VWA8: variants seen among roughly 807,000 people sequenced by gnomAD.
VWA8 encodes the protein von Willebrand factor A domain-containing protein 8.
In VWA8, 221 loss-of-function variants were observed where a neutral mutation model predicts 241.5. The ratio of observed to expected loss-of-function variants is 0.91; its 90% confidence interval spans 0.82 to 1.02. VWA8 has a LOEUF of 1.02. Ranked by LOEUF, VWA8 falls within the 50% of genes least tolerant of loss-of-function variation. VWA8 has a pLI of 0.00. For synonymous variants in VWA8, 852 were observed against 827.1 expected (o/e 1.03, Z -0.52); for missense variants, 2,322 against 2,328.7 (o/e 1.00, Z 0.06).
In VWA8 at chr13:41,718,859, C is replaced by T. The variant is rs146653959; in HGVS notation, c.3116+732G>A. Among the ~76,000 whole-genome samples, 11 of 151,756 alleles carry T rather than the reference C, an allele frequency of 7.2e-5. No homozygotes were observed. The East Asian group carries it at 1.7e-3, about 24-fold the overall frequency. On this transcript the variant is annotated intron_variant, in intron 26 of 44. Coordinates refer to ENST00000379310, the MANE Select transcript of VWA8 (RefSeq NM_015058.2). ...GTAATTTAAAAGTGATTATTATCCCCTATGAATTTATAATTAACTATTTTT... is the reference window on the plus strand; with the variant it reads ...GTAATTTAAAAGTGATTATTATCCCTTATGAATTTATAATTAACTATTTTT...
intron 2 of VWA8, among the ~76,000 whole-genome samples, chr13:41,933,625 T>C (rs1288899739): frequency 6.6e-6 from 1 of 151,954 alleles, no homozygotes; most frequent in Non-Finnish European, 1.5e-5. Context: ...AATAGATCAA[T>C]GGAACAGAAC....
chr13:41,585,659 T>C, intron 42 of VWA8, among the ~76,000 whole-genome samples: 1 of 151,364 alleles, frequency 6.6e-6, no homozygotes, highest in East Asian at 1.9e-4. Context: ...AGGTCAGGAG[T>C]TCGAGACCAG....
chr13:41,773,310 G>A (rs1161495864), intron 20 of VWA8, among the ~76,000 whole-genome samples: 1 of 152,098 alleles, frequency 6.6e-6, no homozygotes, highest in Non-Finnish European at 1.5e-5. Flanking sequence ...TTCAGAAGAT[G>A]GAAATAAGGG....
Position 41,936,908 on chromosome 13 carries a change from A to G in VWA8, c.241+13028T>C, listed in dbSNP as rs75228221. Among the ~76,000 whole-genome samples, 7 of 152,316 alleles carry G rather than the reference A, an allele frequency of 4.6e-5. No homozygotes were observed. In the East Asian group the frequency reaches 1.3e-3, roughly 29 times the overall value. On this transcript the variant is annotated intron_variant, in intron 2 of 44. Coordinates refer to ENST00000379310, the MANE Select transcript of VWA8 (RefSeq NM_015058.2). Reference sequence around the variant, plus strand: ...GACGTTCCAGGCAATGATGGATTGCATATTAGATGATGGTCCCATAAGATT... The same window carrying G: ...GACGTTCCAGGCAATGATGGATTGCGTATTAGATGATGGTCCCATAAGATT...
intron 37 of VWA8, among the ~76,000 whole-genome samples, chr13:41,636,271 T>C (rs1040537351): frequency 5.9e-5 from 9 of 152,180 alleles, no homozygotes; most frequent in East Asian, 5.8e-4. Flanking sequence ...GAAATAATGC[T>C]GCATATCTAC....
chr13:41,851,695 A>C (rs774776054), intron 12 of VWA8, among the ~76,000 whole-genome samples: 1 of 152,152 alleles, frequency 6.6e-6, no homozygotes, highest in African/African-American at 2.4e-5. Context: ...TATAAGTTCA[A>C]TTAAACCTTT....
chr13:41,727,135 AGT>A, intron 24 of VWA8, 57 bp downstream of exon 24: 2 of 1,303,862 alleles, frequency 1.5e-6, no homozygotes, highest in Admixed American at 4.9e-5. Context: ...CCATTACAGC[AGT>A]GTTACTAATA....
chr13:41,961,021 C>T lies in VWA8; in HGVS notation c.-6G>A. The T allele has an allele frequency of 1.6e-6, 2 of 1,241,710 alleles. No individual in the cohort carries two copies. The highest frequency in any genetic ancestry group is 3.2e-4 in the Middle Eastern group (1 of 3,092). The allele number at this position is 1,241,710 out of a possible 1,614,324, so 76.9% of individuals were successfully genotyped here. A position where few individuals can be genotyped will look rare whatever the true frequency, so the allele number is the denominator to read the frequency against. ...AGTAGAAGCCGGGATTGCATGGCGC[C>T]GGGGGGGCTGTCGGGGACGGCGAGG... On this transcript the variant is annotated 5_prime_UTR_variant, in exon 1 of 45. Transcript: ENST00000379310.
intron 17 of VWA8, among the ~76,000 whole-genome samples, chr13:41,804,857 A>G (rs1339124602): frequency 6.6e-6 from 1 of 152,172 alleles, no homozygotes; most frequent in East Asian, 1.9e-4. Context: ...TAAAATAACG[A>G]GTTATAAGGC....
chr13:41,645,784 T>C (rs2044827808), intron 37 of VWA8, among the ~76,000 whole-genome samples: 1 of 152,244 alleles, frequency 6.6e-6, no homozygotes, highest in Admixed American at 6.5e-5. Context: ...CTTCAATCTA[T>C]ACTTGCTCAC....
intron 10 of VWA8, 39 bp downstream of exon 10, chr13:41,868,306 TA>T: frequency 6.2e-7 from 1 of 1,609,940 alleles, no homozygotes; most frequent in Non-Finnish European, 8.5e-7. Context: ...ACAGGCAGAA[TA>T]AGGTATATCA....
chr13:41,866,182 T>C, intron 10 of VWA8, 146 bp from the exon 11 acceptor site: 1 of 995,462 alleles, frequency 1.0e-6, no homozygotes, highest in South Asian at 1.8e-5. Flanking sequence ...ACCCCATCTC[T>C]ACAAAAATAC....
intron 23 of VWA8, among the ~76,000 whole-genome samples, chr13:41,728,153 AT>A (rs66952813): frequency 0.28 from 42,028 of 151,530 alleles, 6,230 homozygotes; most frequent in Non-Finnish European, 0.33. Context: ...GCCTACTCTC[AT>A]TTTTTTATGA....
intron 20 of VWA8, among the ~76,000 whole-genome samples, chr13:41,766,649 C>T (rs550704718): frequency 7.9e-5 from 12 of 152,338 alleles, no homozygotes; most frequent in Non-Finnish European, 1.3e-4. Flanking sequence ...CACTCCCCCA[C>T]CTAGCCTTCT....
intron 18 of VWA8, among the ~76,000 whole-genome samples, chr13:41,784,658 G>GTCTCTCTC (rs57574031): frequency 1.1e-4 from 11 of 103,870 alleles, no homozygotes; most frequent in East Asian, 2.8e-4. Context: ...GTGCAACCTT[G>GTCTCTCTC]TCTCTCTCTC....
Position 41,819,251 on chromosome 13 carries a change from C to T in VWA8, c.1836G>A (p.Val612=). 6.2e-7 allele frequency: 1 copy of T among 1,610,024 alleles called. No individual in the cohort carries two copies. The highest frequency in any genetic ancestry group is 8.5e-7 in the Non-Finnish European group (1 of 1,179,172). The change falls in exon 15 of 45, where the codon GTG becomes GTA. Residue 612 remains valine, a synonymous_variant. Transcript: ENST00000379310. ...TAATCACTTGGATTTCTTCACTTTT[C>T]ACAAGTGGTTTCATGTAATGGAAAA... ...MFFFHYMKPL[V]KSEEIQVIKE...
intron 2 of VWA8, among the ~76,000 whole-genome samples, chr13:41,913,601 T>C (rs986084092): frequency 4.6e-5 from 7 of 152,230 alleles, no homozygotes; most frequent in Admixed American, 4.6e-4. Context: ...TAGTCTCTCC[T>C]GTACTCCCCT....
intron 37 of VWA8, among the ~76,000 whole-genome samples, chr13:41,667,886 T>C (rs1010856066): frequency 2.0e-5 from 3 of 152,212 alleles, no homozygotes; most frequent in African/African-American, 7.2e-5. Flanking sequence ...TGGTTATTTA[T>C]TATAGGAAAA....
rs552892656 is a variant in VWA8 at position 41,571,260 on chromosome 13, C to G, written c.5371-554G>C. ...GCTTACCAATGATATGATTGTATAT[C>G]TAGAAAACCCTGTCCCTCTCCCGTC... is the stretch of plus-strand genomic sequence containing the variant. On this transcript the variant is annotated intron_variant, in intron 43 of 44. Coordinates refer to ENST00000379310, the MANE Select transcript of VWA8 (RefSeq NM_015058.2). 3.4e-5 allele frequency among the ~76,000 whole-genome samples: 5 copies of G among 146,318 alleles called. No individual in the cohort carries two copies. The Admixed American group carries it at 3.5e-4, about 10-fold the overall frequency.
Sources: gnomAD v4.1 joint callset for allele counts (sites outside exome capture counted in the v4.1 genomes callset) on GRCh38, gnomAD v4.1.1 for gene constraint, MANE v1.5 for transcripts, NCBI Gene and HGNC (gene_info 2026-07-23, HGNC 2026-07-21) for gene names.